The following ELMO1 variants were observed in gnomAD, a reference collection of about 807,000 sequenced individuals.
ELMO1 encodes the protein engulfment and cell motility protein 1.
Under a neutral mutation model 98.9 loss-of-function variants are expected in ELMO1, and 26 were observed. The ratio of observed to expected loss-of-function variants is 0.26; its 90% confidence interval spans 0.19 to 0.36. The LOEUF is 0.36. Among genes scored for constraint, ELMO1 ranks in the 10% least tolerant of loss-of-function variants. The probability of loss-of-function intolerance (pLI) is 1.00; values close to 1 mark genes in which losing one functional copy is unlikely to be tolerated. For missense variants in ELMO1, 627 were observed against 935.2 expected (o/e 0.67, Z 4.30); for synonymous variants, 346 against 346.0 (o/e 1.00, Z 0.00).
chr7:37,051,871 C>T (rs1289798895), intron 15 of ELMO1, among the ~76,000 whole-genome samples: 1 of 152,178 alleles, frequency 6.6e-6, no homozygotes, highest in Non-Finnish European at 1.5e-5. Context: ...GTATCCTTCT[C>T]TCTAGGACAA....
At chr7:37,222,582 A>G (rs535084185) in intron 10 of ELMO1, 33 bp downstream of exon 10, 1 of 1,603,578 alleles carries the variant, frequency 6.2e-7, no homozygotes, top group African/African-American at 1.3e-5. Context: ...CCTAGCCTTG[A>G]CATAGCCATA....
chr7:36,916,247 T>C (rs918237942), intron 16 of ELMO1, among the ~76,000 whole-genome samples: 1 of 152,162 alleles, frequency 6.6e-6, no homozygotes. Flanking sequence ...TCATTTCCAG[T>C]CATAGCATCT....
chr7:36,867,156 T>G (rs939127308), intron 20 of ELMO1, among the ~76,000 whole-genome samples: 1 of 152,164 alleles, frequency 6.6e-6, no homozygotes, highest in South Asian at 2.1e-4. Flanking sequence ...CTTATCTGTT[T>G]ACAGTGGCGT....
chr7:36,902,821 G>C (rs1358268275), intron 16 of ELMO1, among the ~76,000 whole-genome samples: 3 of 152,120 alleles, frequency 2.0e-5, no homozygotes. Flanking sequence ...TTTCAGGAGT[G>C]GTGGGATGTT....
At chr7:37,442,080 C>A (rs532429113) in intron 1 of ELMO1, among the ~76,000 whole-genome samples, 2 of 152,176 alleles carry the variant, frequency 1.3e-5, no homozygotes, top group East Asian at 3.8e-4. Flanking sequence ...ATCTGCAATA[C>A]CTGGAGACAT....
At chr7:37,150,428 TAAC>T (rs1052515580) in intron 13 of ELMO1, among the ~76,000 whole-genome samples, 1 of 130,498 alleles carries the variant, frequency 7.7e-6, no homozygotes, top group Non-Finnish European at 1.7e-5. Flanking sequence ...TCCACGTACT[TAAC>T]TACTACACTA....
chr7:37,187,658 C>T (rs1337004043), intron 13 of ELMO1, among the ~76,000 whole-genome samples: 1 of 152,032 alleles, frequency 6.6e-6, no homozygotes, highest in African/African-American at 2.4e-5. Context: ...CAAATGAATT[C>T]TGATAGTAAA....
At chr7:37,258,265 T>C (rs1562560727) in intron 6 of ELMO1, among the ~76,000 whole-genome samples, 1 of 143,056 alleles carries the variant, frequency 7.0e-6, no homozygotes, top group Non-Finnish European at 1.5e-5. Context: ...AGACTCCATC[T>C]ACCAAAAACA....
At chr7:37,292,903 T>G (rs1441024354) in intron 4 of ELMO1, among the ~76,000 whole-genome samples, 2 of 60,634 alleles carry the variant, frequency 3.3e-5, no homozygotes, top group East Asian at 7.1e-4. Flanking sequence ...AGCCGCCCCG[T>G]CCGGGAGGGA....
intron 1 of ELMO1, among the ~76,000 whole-genome samples, chr7:37,359,068 A>G (rs767611402): frequency 6.6e-6 from 1 of 152,192 alleles, no homozygotes; most frequent in Non-Finnish European, 1.5e-5. Context: ...AGATAGGACT[A>G]CTCCAAATAG....
intron 1 of ELMO1, among the ~76,000 whole-genome samples, chr7:37,387,902 G>A (rs1321010250): frequency 6.6e-6 from 1 of 152,170 alleles, no homozygotes; most frequent in African/African-American, 2.4e-5. Context: ...CACAATCACA[G>A]CACACTGCAG....
chr7:37,342,617 T>C lies in ELMO1; in HGVS notation c.74A>G (p.Asp25Gly). ...PGAYPKLMEI[D>G]QKKPLSAIIK... ...CAATGCTGTCACGTTACTAACCTGATCAATTTCCATGAGTTTGGGGTAGGC... is the reference window on the plus strand; with the variant it reads ...CAATGCTGTCACGTTACTAACCTGACCAATTTCCATGAGTTTGGGGTAGGC... Residue 25 changes from aspartate (D) to glycine (G), a missense_variant, in exon 2 of 22, where the codon GAT (aspartate) becomes GGT (glycine). By Grantham distance (94) the Asp-to-Gly change is moderately conservative. Around this residue, in one of 3 missense-constraint regions of ELMO1, gnomAD observed 123 missense variants for 171.2 expected, o/e 0.72. Coordinates refer to ENST00000310758, the MANE Select transcript of ELMO1 (RefSeq NM_014800.11). This position sits in a 1 kb window ranked among gnomAD's most constrained non-coding sequence, Gnocchi z 4.3. The C allele has an allele frequency of 6.2e-7, 1 of 1,613,980 alleles. No individual in the cohort carries two copies. The highest frequency in any genetic ancestry group is 8.5e-7 in the Non-Finnish European group (1 of 1,179,958).
At chr7:37,392,255 T>G (rs9648447) in intron 1 of ELMO1, among the ~76,000 whole-genome samples, 135,454 of 152,212 alleles carry the variant, frequency 0.89, 60,389 homozygotes, top group East Asian at 0.96. Context: ...TAACTCAAGT[T>G]CCCACATGGC....
intron 15 of ELMO1, among the ~76,000 whole-genome samples, chr7:37,091,936 T>A (rs1784116213): frequency 6.6e-6 from 1 of 152,132 alleles, no homozygotes; most frequent in South Asian, 2.1e-4. Flanking sequence ...ACGATTTGAT[T>A]ATCTCCCACT....
At chr7:37,354,718 G>T (rs2131308309) in intron 1 of ELMO1, among the ~76,000 whole-genome samples, 1 of 152,312 alleles carries the variant, frequency 6.6e-6, no homozygotes, top group African/African-American at 2.4e-5. Context: ...TCGGTGATGT[G>T]TGCAGACAGT....
chr7:37,283,441 C>T (rs1467569952), intron 4 of ELMO1, among the ~76,000 whole-genome samples: 1 of 152,230 alleles, frequency 6.6e-6, no homozygotes, highest in African/African-American at 2.4e-5. Context: ...GGACTAAAAG[C>T]TCAGGGTAGA....
intron 1 of ELMO1, among the ~76,000 whole-genome samples, chr7:37,382,599 G>A (rs1802624266): frequency 6.6e-6 from 1 of 152,272 alleles, no homozygotes; most frequent in South Asian, 2.1e-4. Flanking sequence ...CACCTGAGAT[G>A]AGACTGCATC....
At position 37,307,621 on chromosome 7, in the gene ELMO1, T is replaced by C. The variant is rs541517284; in HGVS notation, c.192+7229A>G. 2.0e-5 allele frequency among the ~76,000 whole-genome samples: 3 copies of C among 152,342 alleles called. No individual in the cohort carries two copies. The South Asian group carries it at 6.2e-4, about 32-fold the overall frequency. ...TAAACAGGCAAATTTATCAAGAAGATATCACTTTGGAAATAAATAAAATGA... is the reference window on the plus strand; with the variant it reads ...TAAACAGGCAAATTTATCAAGAAGACATCACTTTGGAAATAAATAAAATGA... On this transcript the variant is annotated intron_variant, in intron 4 of 21. Transcript: ENST00000310758.
chr7:37,072,688 C>T (rs1797343633), intron 15 of ELMO1, among the ~76,000 whole-genome samples: 1 of 152,152 alleles, frequency 6.6e-6, no homozygotes, highest in African/African-American at 2.4e-5. Flanking sequence ...TCAGTTCCTA[C>T]ATCAATAACA....
Sources: allele counts gnomAD v4.1 joint callset (sites outside exome capture counted in the v4.1 genomes callset), GRCh38; gene constraint gnomAD v4.1.1; regional missense constraint gnomAD v4.1.1; non-coding constraint Gnocchi (gnomAD v3.1); transcripts MANE v1.5; gene names NCBI Gene and HGNC (gene_info 2026-07-23, HGNC 2026-07-21).